The following CACNA1C variants were observed in gnomAD, a reference collection of about 807,000 sequenced individuals.
CACNA1C encodes the protein voltage-dependent L-type calcium channel subunit alpha-1C.
A neutral mutation model predicts 229.0 loss-of-function variants in CACNA1C; 30 were observed. The ratio of observed to expected loss-of-function variants is 0.13; its 90% CI spans 0.10 to 0.18. The LOEUF (loss-of-function observed/expected upper bound fraction) is 0.18, where lower values mean the gene tolerates loss of function less well. Ranked by LOEUF, CACNA1C falls within the 10% of genes least tolerant of loss-of-function variation. The pLI, the probability that CACNA1C is intolerant of heterozygous loss-of-function variation, is 1.00. For missense variants in CACNA1C, 1,658 were observed against 2,845.0 expected (o/e 0.58, Z 9.49); for synonymous variants, 1,114 against 1,132.5 (o/e 0.98, Z 0.33).
intron 3 of CACNA1C, among the ~76,000 whole-genome samples, chr12:2,183,312 G>A (rs1260427501): frequency 1.3e-5 from 2 of 151,958 alleles, no homozygotes; most frequent in African/African-American, 4.8e-5. Context: ...GAGCTCCTTC[G>A]CCTGAGGGGC....
At chr12:2,182,131 C>CAAAA (rs56365126) in intron 3 of CACNA1C, among the ~76,000 whole-genome samples, 2 of 86,700 alleles carry the variant, frequency 2.3e-5, no homozygotes, top group Non-Finnish European at 4.6e-5. Context: ...TTTCTGTCTG[C>CAAAA]AAAAAAAAAA....
chr12:2,298,681 C>T (rs1335717741), intron 3 of CACNA1C, among the ~76,000 whole-genome samples: 3 of 152,202 alleles, frequency 2.0e-5, no homozygotes, highest in Non-Finnish European at 4.4e-5. Flanking sequence ...AAGTGGAGCC[C>T]GGAAGGCTTT....
chr12:2,218,011 C>G (rs954101000), intron 3 of CACNA1C: 3 of 152,310 alleles, frequency 2.0e-5, no homozygotes, highest in South Asian at 2.1e-4. Flanking sequence ...TAGGAGAGAG[C>G]TTCGGAGAAG....
chr12:2,336,970 C>G (rs1028196808), intron 3 of CACNA1C, among the ~76,000 whole-genome samples: 2 of 152,216 alleles, frequency 1.3e-5, no homozygotes, highest in African/African-American at 4.8e-5. Context: ...TTGGTGTTTT[C>G]TTGATTAGAA....
chr12:2,601,657 G>A lies in CACNA1C; in HGVS notation c.2854-197G>A, dbSNP rs991157646. ...GAGCCACCCAGCAGTCCTGGGCTGC[G>A]AGAGTCTTGGGTGGTTGTGTGCATG... On this transcript the variant is annotated intron_variant, in intron 21 of 46. Transcript: ENST00000399655. This position sits in a 1 kb window ranked among gnomAD's most constrained non-coding sequence, Gnocchi z 5.9. Among the ~76,000 whole-genome samples the A allele has an allele frequency of 1.3e-5, 2 of 152,200 alleles. No individual in the cohort carries two copies. Among genetic ancestry groups the A allele is most frequent in the African/African-American group, 4.8e-5 (2 of 41,460 alleles).
In CACNA1C at chr12:2,677,086, C is replaced by T. The variant is rs370969487; in HGVS notation, c.4829-8C>T. The T allele has an allele frequency of 3.1e-5, 50 of 1,611,056 alleles. No homozygotes were observed. Among genetic ancestry groups the T allele is most frequent in the African/African-American group, 2.9e-4 (22 of 74,856 alleles). ...TCTTACCCCCTCTCCCCTCTCCATA[C>T]GTCTCAGATGATGAGGTCACCGTTG... On this transcript the variant is annotated splice_region_variant and splice_polypyrimidine_tract_variant and intron_variant, in intron 39 of 46. Transcript: ENST00000399655. The surrounding 1 kb of genome is among the most constrained non-coding windows in gnomAD (Gnocchi z 7.4).
intron 9 of CACNA1C, among the ~76,000 whole-genome samples, chr12:2,546,889 C>G (rs1047457726): frequency 1.1e-4 from 17 of 152,166 alleles, no homozygotes; most frequent in African/African-American, 4.1e-4. Context: ...GTAGGTCGAC[C>G]AGTGGGTTGT....
intron 5 of CACNA1C, among the ~76,000 whole-genome samples, chr12:2,482,167 A>G (rs572233216): frequency 6.6e-6 from 1 of 152,370 alleles, no homozygotes; most frequent in East Asian, 1.9e-4. Context: ...CACCCCAGGC[A>G]GGCCGCGAGG....
chr12:2,229,575 A>AG (rs1369797354), intron 3 of CACNA1C, among the ~76,000 whole-genome samples: 1 of 152,146 alleles, frequency 6.6e-6, no homozygotes, highest in Non-Finnish European at 1.5e-5. Flanking sequence ...CTGTGGAGAA[A>AG]GGTAAAGCAG....
chr12:2,303,285 G>A (rs1467733219), intron 3 of CACNA1C, among the ~76,000 whole-genome samples: 14 of 152,172 alleles, frequency 9.2e-5, no homozygotes, highest in Admixed American at 7.9e-4. Context: ...CTTCTCAGGC[G>A]GGAGGCTGGA....
intron 3 of CACNA1C, among the ~76,000 whole-genome samples, chr12:2,437,467 C>T (rs1314613287): frequency 6.6e-6 from 1 of 152,242 alleles, no homozygotes; most frequent in African/African-American, 2.4e-5. Flanking sequence ...TCTGGCTCTA[C>T]CACCTACTAG....
chr12:2,447,964 C>T (rs1399265675), intron 3 of CACNA1C, among the ~76,000 whole-genome samples: 1 of 152,244 alleles, frequency 6.6e-6, no homozygotes, highest in Non-Finnish European at 1.5e-5. Flanking sequence ...TTCGTGGCTC[C>T]AGTGAGGGAT....
At chr12:2,282,908 T>G (rs1425235546) in intron 3 of CACNA1C, among the ~76,000 whole-genome samples, 1 of 152,206 alleles carries the variant, frequency 6.6e-6, no homozygotes, top group East Asian at 1.9e-4. Context: ...CTTTTCATAT[T>G]CAAGCTGATT....
intron 1 of CACNA1C, among the ~76,000 whole-genome samples, chr12:1,985,174 G>C (rs1218450980): frequency 6.6e-6 from 1 of 152,082 alleles, no homozygotes; most frequent in African/African-American, 2.4e-5. Flanking sequence ...CATTAGACTG[G>C]GAAAGGTTTT....
intron 9 of CACNA1C, among the ~76,000 whole-genome samples, chr12:2,523,408 G>T (rs1158252461): frequency 1.3e-5 from 2 of 152,178 alleles, no homozygotes; most frequent in Non-Finnish European, 2.9e-5. Flanking sequence ...AGAGGAGGGT[G>T]TTGATCAGCC....
At chr12:2,147,519 T>C (rs2094835435) in intron 3 of CACNA1C, among the ~76,000 whole-genome samples, 1 of 151,326 alleles carries the variant, frequency 6.6e-6, no homozygotes, top group Non-Finnish European at 1.5e-5. Flanking sequence ...ACCTGTTGCC[T>C]CTTTGTGACA....
chr12:2,096,357 AC>A (rs2073968928), intron 1 of CACNA1C, among the ~76,000 whole-genome samples: 2 of 152,162 alleles, frequency 1.3e-5, no homozygotes, highest in Non-Finnish European at 2.9e-5. Flanking sequence ...TGCCGGAAGC[AC>A]TTGTATAGGG....
At chr12:2,417,195 T>C (rs906189550) in intron 3 of CACNA1C, among the ~76,000 whole-genome samples, 2 of 152,206 alleles carry the variant, frequency 1.3e-5, no homozygotes, top group African/African-American at 4.8e-5. Flanking sequence ...AGTGGCCGTT[T>C]CCATGCGTGG....
intron 9 of CACNA1C, among the ~76,000 whole-genome samples, chr12:2,513,195 T>G (rs553629181): frequency 2.0e-5 from 3 of 152,384 alleles, no homozygotes; most frequent in Non-Finnish European, 4.4e-5. Context: ...GAAAACCTCA[T>G]GCTCCTTTTA....
Sources: allele counts gnomAD v4.1 joint callset (sites outside exome capture counted in the v4.1 genomes callset), GRCh38; gene constraint gnomAD v4.1.1; non-coding constraint Gnocchi (gnomAD v3.1); transcripts MANE v1.5; gene names NCBI Gene and HGNC (gene_info 2026-07-23, HGNC 2026-07-21).